Variants in ATPSCKMT observed in about 807,000 individuals in gnomAD.
ATPSCKMT encodes the protein ATP synthase subunit C lysine N-methyltransferase.
ATPSCKMT carries 24 observed loss-of-function variants against 24.3 expected under a neutral mutation model. That is an observed-to-expected ratio of 0.99 (90% CI 0.71 to 1.39). The LOEUF is 1.39. ATPSCKMT is among the 40% of genes most tolerant of loss of function. ATPSCKMT has a pLI of 0.00. For synonymous variants in ATPSCKMT, 95 were observed against 110.5 expected (o/e 0.86, Z 0.88); for missense variants, 311 against 298.4 (o/e 1.04, Z -0.31).
intron 1 of ATPSCKMT, 113 bp downstream of exon 1, chr5:10,249,745 G>A: frequency 1.4e-6 from 2 of 1,452,624 alleles, no homozygotes; most frequent in South Asian, 2.9e-5. Context: ...CAGAGCAGCC[G>A]CCCGCACCCG....
chr5:10,231,062 C>T (rs1005995919), intron 4 of ATPSCKMT, among the ~76,000 whole-genome samples: 63 of 152,168 alleles, frequency 4.1e-4, no homozygotes, highest in Admixed American at 4.0e-3. Flanking sequence ...CTGACTTTCC[C>T]AGCCAGCTCC....
At chr5:10,249,652 G>T in intron 1 of ATPSCKMT, 7 of 764,734 alleles carry the variant, frequency 9.2e-6, no homozygotes, top group South Asian at 2.3e-5. Context: ...GGGGAAACGC[G>T]CCCGCCGACA....
At chr5:10,236,948 T>A in intron 2 of ATPSCKMT, 2 of 1,332,766 alleles carry the variant, frequency 1.5e-6, no homozygotes, top group Middle Eastern at 2.0e-4. Context: ...ATCCACTGCA[T>A]CTCTCCATCA....
intron 2 of ATPSCKMT, among the ~76,000 whole-genome samples, chr5:10,238,297 T>A (rs993379044): frequency 2.6e-5 from 4 of 151,950 alleles, no homozygotes; most frequent in Non-Finnish European, 1.5e-5. Context: ...AAAAAAAAAA[T>A]TAAATTAAAA....
intron 4 of ATPSCKMT, among the ~76,000 whole-genome samples, chr5:10,233,368 C>G (rs1744238749): frequency 6.6e-6 from 1 of 152,268 alleles, no homozygotes; most frequent in East Asian, 1.9e-4. Flanking sequence ...CCTCCGCACC[C>G]CTGACCGACC....
At position 10,235,245 on chromosome 5, in the gene ATPSCKMT, T is replaced by A; in HGVS notation, c.461A>T (p.Tyr154Phe). The change falls in exon 4 of 5, where the codon TAC becomes TTC. Residue 154 changes from tyrosine to phenylalanine, a missense_variant. Physicochemically the swap from Tyr to Phe is conservative, Grantham distance 22. Coordinates refer to ENST00000511437, the MANE Select transcript of ATPSCKMT (RefSeq NM_199133.4). ...SDLWKVTFSQ[Y>F]SNVVIFGVPQ... Reference sequence around the variant, plus strand: ...CACACCGAAAATAACAACGTTCGAGTACTGCGAAAAAGTAACCTGAACAAG... The same window carrying A: ...CACACCGAAAATAACAACGTTCGAGAACTGCGAAAAAGTAACCTGAACAAG... 1 of 1,613,494 alleles carries A rather than the reference T, an allele frequency of 6.2e-7. No homozygotes were observed. Among genetic ancestry groups the A allele is most frequent in the Non-Finnish European group, 8.5e-7 (1 of 1,179,614 alleles).
At chr5:10,249,035 A>T (rs1360628297) in intron 1 of ATPSCKMT, among the ~76,000 whole-genome samples, 1 of 152,158 alleles carries the variant, frequency 6.6e-6, no homozygotes, top group Non-Finnish European at 1.5e-5. Context: ...GGGGAGACCT[A>T]GACGGGTACA....
At chr5:10,228,703 TG>T (rs1743991926) in intron 4 of ATPSCKMT, among the ~76,000 whole-genome samples, 1 of 152,102 alleles carries the variant, frequency 6.6e-6, no homozygotes, top group African/African-American at 2.4e-5. Flanking sequence ...TTTTTTTTTT[TG>T]AGACAAGATT....
At chr5:10,228,180 G>A (rs1009061060) in intron 4 of ATPSCKMT, among the ~76,000 whole-genome samples, 4 of 152,072 alleles carry the variant, frequency 2.6e-5, no homozygotes. Context: ...CTGAAATCAG[G>A]ACACATCACA....
intron 4 of ATPSCKMT, among the ~76,000 whole-genome samples, chr5:10,234,896 A>G (rs187590828): frequency 1.2e-4 from 18 of 152,344 alleles, no homozygotes; most frequent in African/African-American, 4.3e-4. Flanking sequence ...GCGAAGTGGA[A>G]GTGAGCGGCT....
intron 2 of ATPSCKMT, among the ~76,000 whole-genome samples, chr5:10,238,781 T>C (rs1287110707): frequency 6.6e-6 from 1 of 152,248 alleles, no homozygotes; most frequent in African/African-American, 2.4e-5. Context: ...ATGCCACCTC[T>C]GTTGGCCCAT....
intron 1 of ATPSCKMT, among the ~76,000 whole-genome samples, chr5:10,245,324 G>A (rs2126466340): frequency 6.6e-6 from 1 of 152,314 alleles, no homozygotes; most frequent in East Asian, 1.9e-4. Flanking sequence ...AAAGGCTGAA[G>A]CAGGAGAATG....
rs914490146 is a variant in ATPSCKMT, at chr5:10,226,706, T to C, written c.*735A>G. ...CACCATTTATGGACCAAAGACTAGGTGCCATGAGTTTTAGAAATTGGTCCC... is the reference window on the plus strand; with the variant it reads ...CACCATTTATGGACCAAAGACTAGGCGCCATGAGTTTTAGAAATTGGTCCC... On this transcript the variant is annotated 3_prime_UTR_variant, in exon 5 of 5. Coordinates refer to ENST00000511437, the MANE Select transcript of ATPSCKMT (RefSeq NM_199133.4). The C allele has an allele frequency of 6.6e-6, 1 of 152,168 alleles. No individual in the cohort carries two copies. The highest frequency in any genetic ancestry group is 2.4e-5 in the African/African-American group (1 of 41,428). The allele number at this position is 152,168 out of a possible 1,614,324, so 9.4% of individuals were successfully genotyped here.
intron 4 of ATPSCKMT, among the ~76,000 whole-genome samples, chr5:10,232,321 C>A (rs140880340): frequency 6.6e-6 from 1 of 152,346 alleles, no homozygotes; most frequent in Non-Finnish European, 1.5e-5. Context: ...ATTTAGACCA[C>A]ATTCATTCAT....
rs1561023778 is a variant in ATPSCKMT, at chr5:10,227,503, A to T, written c.640T>A (p.Phe214Ile). The change falls in exon 5 of 5, where the codon TTT (phenylalanine) becomes ATT (isoleucine). Residue 214 changes from phenylalanine to isoleucine, a missense_variant. Physicochemically the swap from Phe to Ile is conservative, Grantham distance 21. Coordinates refer to ENST00000511437, the MANE Select transcript of ATPSCKMT (RefSeq NM_199133.4). The part of the protein sequence containing the change: ...DTVWAYDAST[F>I]RGREKRPCTS... ...CAGGGCCTCTTTTCACGGCCTCTAA[A>T]AGTGCTTGCATCATATGCCCACACT... 5.6e-6 allele frequency: 9 copies of T among 1,614,192 alleles called. No homozygotes were observed. Among genetic ancestry groups the T allele is most frequent in the Non-Finnish European group, 7.6e-6 (9 of 1,180,028 alleles).
At position 10,235,194 on chromosome 5, in the gene ATPSCKMT, G is replaced by A. The variant is rs1286475883; in HGVS notation, c.495+17C>T. ...ATCATCTAACCCCAAACAGAGAGCA[G>A]GAAAGTGCATACTCACCATCTGAGG... On this transcript the variant is annotated intron_variant, in intron 4 of 4. Coordinates refer to ENST00000511437, the MANE Select transcript of ATPSCKMT (RefSeq NM_199133.4). 6.2e-7 allele frequency: 1 copy of A among 1,613,138 alleles called. No homozygotes were observed. The highest frequency in any genetic ancestry group is 1.3e-5 in the African/African-American group (1 of 74,874).
intron 4 of ATPSCKMT, among the ~76,000 whole-genome samples, chr5:10,230,983 A>T (rs1744102990): frequency 7.1e-6 from 1 of 140,444 alleles, no homozygotes; most frequent in East Asian, 1.9e-4. Context: ...TCTGGCCCGA[A>T]CCCCAGACTC....
chr5:10,239,280 C>A lies in ATPSCKMT; in HGVS notation c.93G>T (p.Leu31Phe), dbSNP rs1432927885. 2.5e-6 allele frequency: 4 copies of A among 1,614,082 alleles called. No individual in the cohort carries two copies. Among genetic ancestry groups the A allele is most frequent in the African/African-American group, 1.3e-5 (1 of 74,926 alleles). ...GTAAGAACCCCCAGTTGCTTTTCTG[C>A]AAACTGTTGACTTCAAAACTTGCAG... The part of the protein sequence containing the change: ...VLPASFEVNS[L>F]QKSNWGFLLT... The change falls in exon 2 of 5, where the codon TTG becomes TTT. Residue 31 changes from leucine (L) to phenylalanine (F), a missense_variant. By Grantham distance (22) the Leu-to-Phe change is conservative. Coordinates refer to ENST00000511437, the MANE Select transcript of ATPSCKMT (RefSeq NM_199133.4).
At chr5:10,229,385 C>T (rs1744025969) in intron 4 of ATPSCKMT, among the ~76,000 whole-genome samples, 1 of 152,166 alleles carries the variant, frequency 6.6e-6, no homozygotes, top group African/African-American at 2.4e-5. Context: ...GGTGTGTGGT[C>T]TTTGGCAACA....
Sources: gnomAD v4.1 joint callset for allele counts (sites outside exome capture counted in the v4.1 genomes callset) on GRCh38, gnomAD v4.1.1 for gene constraint, MANE v1.5 for transcripts, NCBI Gene and HGNC (gene_info 2026-07-23, HGNC 2026-07-21) for gene names.